R3HDM4: variants seen among roughly 807,000 people sequenced by gnomAD.
R3HDM4 encodes R3H domain-containing protein 4.
In R3HDM4, 30 loss-of-function variants were observed where a neutral mutation model predicts 31.3. The ratio of observed to expected loss-of-function variants is 0.96; its 90% CI spans 0.72 to 1.30. R3HDM4 has a LOEUF of 1.30. Ranked by LOEUF, R3HDM4 falls within the 50% of genes most tolerant of loss-of-function variation. The pLI is 0.00. For synonymous variants in R3HDM4, 196 were observed against 156.6 expected (o/e 1.25, Z -1.88); for missense variants, 444 against 366.1 (o/e 1.21, Z -1.74).
chr19:906,451 C>G (rs1280257100), intron 1 of R3HDM4, among the ~76,000 whole-genome samples: 1 of 152,102 alleles, frequency 6.6e-6, no homozygotes, highest in Non-Finnish European at 1.5e-5. Context: ...ATCTCCTGAC[C>G]TCGTGATCCG....
intron 1 of R3HDM4, among the ~76,000 whole-genome samples, chr19:909,678 C>A (rs1410849220): frequency 6.6e-6 from 1 of 151,998 alleles, no homozygotes; most frequent in Admixed American, 6.6e-5. Context: ...TGCCTGTAAT[C>A]CCAGCTACTC....
At chr19:902,279 A>G (rs2145290213) in intron 1 of R3HDM4, 149 bp from the exon 2 acceptor site, 1 of 774,710 alleles carries the variant, frequency 1.3e-6, no homozygotes, top group Non-Finnish European at 2.0e-6. Flanking sequence ...TTAAAATCCT[A>G]TTTTGTTTCA....
chr19:899,657 C>T lies in R3HDM4; in HGVS notation c.591G>A (p.Leu197=). 1 of 1,603,576 alleles carries T rather than the reference C, an allele frequency of 6.2e-7. No individual in the cohort carries two copies. The highest frequency in any genetic ancestry group is 8.5e-7 in the Non-Finnish European group (1 of 1,174,772). The change falls in exon 6 of 8, where the codon CTG becomes CTA. Residue 197 remains leucine (L), a synonymous_variant. Coordinates refer to ENST00000361574, the MANE Select transcript of R3HDM4 (RefSeq NM_138774.4). The surrounding 1 kb of genome is among the most constrained non-coding windows in gnomAD (Gnocchi z 6.8). ...METLETWEER[L]LRFFSVSPQA... Reference sequence around the variant, plus strand: ...GGGGGGACACGGAGAAGAACCGAAGCAGCCGCTCCTCCCAGGTCTCCAGCG... The same window carrying T: ...GGGGGGACACGGAGAAGAACCGAAGTAGCCGCTCCTCCCAGGTCTCCAGCG...
Position 900,082 on chromosome 19 carries a change from G to C in R3HDM4, c.540C>G (p.Leu180=). Residue 180 remains leucine (L), a synonymous_variant, in exon 5 of 8, where the codon CTC becomes CTG. Transcript: ENST00000361574. Reference sequence around the variant, plus strand: ...TCACCATGGGGATGCGGCTGCGCTTGAGGACGGCTCGCAGACGCCGGCTGA... The same window carrying C: ...TCACCATGGGGATGCGGCTGCGCTTCAGGACGGCTCGCAGACGCCGGCTGA... ...QRISRRLRAV[L]KRSRIPMETL... 6.2e-7 allele frequency: 1 copy of C among 1,611,350 alleles called. No homozygotes were observed. The highest frequency in any genetic ancestry group is 8.5e-7 in the Non-Finnish European group (1 of 1,179,038).
rs1173359728 is a variant in R3HDM4 at position 897,458 on chromosome 19, G to T, written c.786C>A (p.Ala262=). ...GCCATCAGCTGTGCTGCTCCAGGTA[G>T]GCGGACAGGAGCAGCCCCGGCGGCA... ...DFLPPGLLLS[A]YLEQHS The change falls in exon 8 of 8, where the codon GCC becomes GCA. Residue 262 remains alanine, a synonymous_variant. Coordinates refer to ENST00000361574, the MANE Select transcript of R3HDM4 (RefSeq NM_138774.4). The T allele has an allele frequency of 1.2e-6, 2 of 1,611,306 alleles. No individual in the cohort carries two copies.
At position 899,317 on chromosome 19, in the gene R3HDM4, ACTCCAGCCCCCTTCCCCACCT is replaced by A; in HGVS notation, c.703+102_703+122del. 1 of 989,886 alleles carries A rather than the reference ACTCCAGCCCCCTTCCCCACCT, an allele frequency of 1.0e-6. No individual in the cohort carries two copies. Among genetic ancestry groups the A allele is most frequent in the Non-Finnish European group, 1.6e-6 (1 of 644,156 alleles). The allele number at this position is 989,886 out of a possible 1,614,324, so 61.3% of individuals were successfully genotyped here. ...CCACCCCTGAGTTCGTAGCGTCCCCACTCCAGCCCCCTTCCCCACCTCCCCACCAAGCCCCACTCTGAGGAA... is the reference window on the plus strand; with the variant it reads ...CCACCCCTGAGTTCGTAGCGTCCCCACCCCACCAAGCCCCACTCTGAGGAA... On this transcript the variant is annotated intron_variant, in intron 7 of 7. Transcript: ENST00000361574. The surrounding 1 kb of genome is among the most constrained non-coding windows in gnomAD (Gnocchi z 6.8).
chr19:902,813 C>T (rs775775088), intron 1 of R3HDM4, among the ~76,000 whole-genome samples: 4 of 152,024 alleles, frequency 2.6e-5, no homozygotes, highest in Admixed American at 2.0e-4. Context: ...TGGTGGCGTG[C>T]GCCTGTAATC....
Position 906,919 on chromosome 19 carries a change from G to A in R3HDM4, c.72-4789C>T, listed in dbSNP as rs570609194. Among the ~76,000 whole-genome samples the A allele has an allele frequency of 3.5e-3, 531 of 152,042 alleles. 5 individuals carry two copies. Among genetic ancestry groups the A allele is most frequent in the African/African-American group, 0.012 (513 of 41,430 alleles). On this transcript the variant is annotated intron_variant, in intron 1 of 7. Coordinates refer to ENST00000361574, the MANE Select transcript of R3HDM4 (RefSeq NM_138774.4). The stretch of plus-strand genomic sequence containing the variant: ...CAACCTCCACCTCCCTGGCTCAACC[G>A]AGTCTCCTGCCTCAGCCTCCCGAGT...
rs994237498 is a variant in R3HDM4 at position 901,648 on chromosome 19, C to T, written c.227-102G>A. On this transcript the variant is annotated intron_variant, in intron 2 of 7. Transcript: ENST00000361574. The stretch of plus-strand genomic sequence containing the variant: ...CCTTCCTCCTTTTTTATCATCTCAA[C>T]CTCCGCACCTCCATGCTCCAACTGT... 26 of 1,408,298 alleles carry T rather than the reference C, an allele frequency of 1.8e-5. No individual in the cohort carries two copies. The Admixed American group carries it at 5.4e-4, about 29-fold the overall frequency. The allele number at this position is 1,408,298 out of a possible 1,614,324, so 87.2% of individuals were successfully genotyped here. A position where few individuals can be genotyped will look rare whatever the true frequency, so the allele number is the denominator to read the frequency against.
chr19:912,903 A>G (rs1207351608), intron 1 of R3HDM4, among the ~76,000 whole-genome samples, 184 bp downstream of exon 1: 2 of 151,118 alleles, frequency 1.3e-5, no homozygotes, highest in Admixed American at 6.6e-5. Flanking sequence ...CTGGGGGTCC[A>G]CAGCGGGCGA....
chr19:905,982 C>T (rs2036899170), intron 1 of R3HDM4, among the ~76,000 whole-genome samples: 1 of 152,120 alleles, frequency 6.6e-6, no homozygotes, highest in Admixed American at 6.6e-5. Context: ...GTCCTGGAAT[C>T]TCAGCCCAGG....
At position 898,404 on chromosome 19, in the gene R3HDM4, CAAA is replaced by C. The variant is rs67161788; in HGVS notation, c.704-867_704-865del. ...TGGGTGACAGAGCGAGACTTGGTCT[CAAA>C]AAAAAAAAAAAAAAAGAAACCCGTC... On this transcript the variant is annotated intron_variant, in intron 7 of 7. Coordinates refer to ENST00000361574, the MANE Select transcript of R3HDM4 (RefSeq NM_138774.4). Among the ~76,000 whole-genome samples the C allele has an allele frequency of 1.3e-3, 130 of 97,562 alleles. 4 individuals are homozygous for C. The highest frequency in any genetic ancestry group is 3.4e-3 in the African/African-American group (74 of 21,656). 64.0% of individuals were successfully genotyped at this position (97,562 alleles called of 152,430 possible). A position where few individuals can be genotyped will look rare whatever the true frequency, so the allele number is the denominator to read the frequency against.
intron 2 of R3HDM4, 118 bp from the exon 3 acceptor site, chr19:901,664 C>T: frequency 7.6e-7 from 1 of 1,317,512 alleles, no homozygotes; most frequent in Non-Finnish European, 1.0e-6. Context: ...CACCTCCATG[C>T]TCCAACTGTC....
intron 3 of R3HDM4, 198 bp downstream of exon 3, chr19:901,224 C>A: frequency 1.5e-6 from 1 of 685,930 alleles, no homozygotes; most frequent in East Asian, 2.8e-5. Flanking sequence ...GCAGGTGAAT[C>A]CAGGAGCTCG....
chr19:900,101 C>T lies in R3HDM4; in HGVS notation c.521G>A (p.Arg174Gln), dbSNP rs777666939. The change falls in exon 5 of 8, where the codon CGG becomes CAG. Residue 174 changes from arginine to glutamine, a missense_variant. Coordinates refer to ENST00000361574, the MANE Select transcript of R3HDM4 (RefSeq NM_138774.4). ...TPRECFQRIS[R>Q]RLRAVLKRSR... is the part of the protein sequence containing the mutation. ...GCGCTTGAGGACGGCTCGCAGACGC[C>T]GGCTGATGCGCTGGAAGCACTCGCG... 5.0e-6 allele frequency: 8 copies of T among 1,606,894 alleles called. No individual in the cohort carries two copies. The highest frequency in any genetic ancestry group is 1.1e-5 in the South Asian group (1 of 90,548).
At chr19:901,666 C>A in intron 2 of R3HDM4, 120 bp from the exon 3 acceptor site, 2 of 1,318,434 alleles carry the variant, frequency 1.5e-6, no homozygotes, top group Non-Finnish European at 2.1e-6. Flanking sequence ...CCTCCATGCT[C>A]CAACTGTCTT....
chr19:911,994 G>C (rs913061303), intron 1 of R3HDM4, among the ~76,000 whole-genome samples: 3 of 149,754 alleles, frequency 2.0e-5, no homozygotes, highest in Non-Finnish European at 4.5e-5. Context: ...ACCCCGACCC[G>C]CGGACAGGGG....
rs2036844314 is a variant in R3HDM4 at position 902,031 on chromosome 19, G to A, written c.171C>T (p.Asn57=). 3 of 1,613,828 alleles carry A rather than the reference G, an allele frequency of 1.9e-6. No individual in the cohort carries two copies. The highest frequency in any genetic ancestry group is 2.5e-6 in the Non-Finnish European group (3 of 1,180,030). ...CCTTGGCCTTGGGCACGAGGTCTGA[G>A]TTCCGCACTGCCTGGTTGATGAAGT... ...KQHFINQAVR[N]SDLVPKAKGR... is the part of the protein sequence containing the mutation. The change falls in exon 2 of 8, where the codon AAC becomes AAT. Residue 57 remains asparagine, a synonymous_variant. Transcript: ENST00000361574.
At chr19:906,181 C>T (rs1038879697) in intron 1 of R3HDM4, among the ~76,000 whole-genome samples, 2 of 151,290 alleles carry the variant, frequency 1.3e-5, no homozygotes, top group Non-Finnish European at 2.9e-5. Context: ...CCCGCCACCA[C>T]GCCTGGCTAA....
Sources: gnomAD v4.1 joint callset for allele counts (sites outside exome capture counted in the v4.1 genomes callset) on GRCh38, gnomAD v4.1.1 for gene constraint, Gnocchi (gnomAD v3.1) non-coding constraint, MANE v1.5 for transcripts, NCBI Gene and HGNC (gene_info 2026-07-23, HGNC 2026-07-21) for gene names.